Variants in PRKN observed in about 807,000 individuals in gnomAD.
PRKN encodes E3 ubiquitin-protein ligase parkin.
Under a neutral mutation model 59.5 loss-of-function variants are expected in PRKN, and 56 were observed. That is an observed-to-expected ratio of 0.94 (90% CI 0.76 to 1.18). The LOEUF is 1.18. Ranked by LOEUF, PRKN falls within the 50% of genes most tolerant of loss-of-function variation. PRKN has a pLI of 0.00. For synonymous variants in PRKN, 250 were observed against 222.1 expected, an observed-to-expected ratio of 1.13 and a Z score of -1.12; for missense variants, 657 against 596.4, an observed-to-expected ratio of 1.10 and a Z score of -1.06.
intron 1 of PRKN, among the ~76,000 whole-genome samples, chr6:162,640,502 A>T (rs1306632516): frequency 6.6e-6 from 1 of 152,202 alleles, no homozygotes; most frequent in African/African-American, 2.4e-5. Context: ...GCTTAGAGAC[A>T]GCTTGGGAAA....
At chr6:162,447,214 G>C (rs1790359665) in intron 1 of PRKN, among the ~76,000 whole-genome samples, 1 of 152,144 alleles carries the variant, frequency 6.6e-6, no homozygotes, top group South Asian at 2.1e-4. Flanking sequence ...AATGAAAGCA[G>C]TGTCCTTTGC....
intron 1 of PRKN, among the ~76,000 whole-genome samples, chr6:162,615,208 A>G (rs1027409798): frequency 2.6e-5 from 4 of 152,242 alleles, no homozygotes; most frequent in African/African-American, 7.2e-5. Flanking sequence ...TTAGAAAATT[A>G]CGCAACCTAA....
At chr6:161,725,966 C>G (rs994991993) in intron 7 of PRKN, among the ~76,000 whole-genome samples, 4 of 152,130 alleles carry the variant, frequency 2.6e-5, no homozygotes, top group African/African-American at 9.7e-5. Flanking sequence ...TGAAATATGT[C>G]CCACATTTAT....
intron 9 of PRKN, among the ~76,000 whole-genome samples, chr6:161,478,079 C>T (rs1791200840): frequency 6.6e-6 from 1 of 152,122 alleles, no homozygotes; most frequent in Non-Finnish European, 1.5e-5. Flanking sequence ...TATACACAGG[C>T]AGATTAAGGA....
At chr6:161,689,952 CACGCCCGCCTCG>C (rs1785717390) in intron 7 of PRKN, among the ~76,000 whole-genome samples, 1 of 4,824 alleles carries the variant, frequency 2.1e-4, no homozygotes, top group Non-Finnish European at 4.7e-4. Context: ...TCAAGGGATA[CACGCCCGCCTCG>C]GCCTCCCAAA....
intron 1 of PRKN, among the ~76,000 whole-genome samples, chr6:162,560,135 A>C (rs1012781082): frequency 1.1e-4 from 16 of 152,180 alleles, no homozygotes; most frequent in African/African-American, 2.9e-4. Context: ...CCCCTACTAC[A>C]TTCGTTAATA....
chr6:162,326,585 T>C (rs1447152199), intron 2 of PRKN, among the ~76,000 whole-genome samples: 1 of 152,150 alleles, frequency 6.6e-6, no homozygotes, highest in Non-Finnish European at 1.5e-5. Context: ...GTTTTCTTTT[T>C]GCCCATTAAA....
intron 7 of PRKN, among the ~76,000 whole-genome samples, chr6:161,746,092 G>C (rs1414843183): frequency 1.3e-5 from 2 of 152,236 alleles, no homozygotes; most frequent in African/African-American, 4.8e-5. Context: ...TACAGCACAA[G>C]TCTCTCCATG....
intron 4 of PRKN, among the ~76,000 whole-genome samples, chr6:162,130,182 C>A (rs1288033252): frequency 6.6e-6 from 1 of 152,124 alleles, no homozygotes; most frequent in Non-Finnish European, 1.5e-5. Context: ...TGCCCCACTG[C>A]CCCACAAACA....
At chr6:162,414,992 G>T (rs66492141) in intron 2 of PRKN, among the ~76,000 whole-genome samples, 83,166 of 151,492 alleles carry the variant, frequency 0.55, 23,763 homozygotes, top group African/African-American at 0.71. Context: ...GATATCTGAT[G>T]CTAAGGAACA....
chr6:162,527,231 C>T (rs1268856521), intron 1 of PRKN, among the ~76,000 whole-genome samples: 1 of 152,130 alleles, frequency 6.6e-6, no homozygotes, highest in Non-Finnish European at 1.5e-5. Flanking sequence ...CGGGATAAAA[C>T]ATAACTGAGT....
chr6:162,307,672 G>A (rs894632299), intron 2 of PRKN, among the ~76,000 whole-genome samples: 9 of 152,202 alleles, frequency 5.9e-5, no homozygotes, highest in African/African-American at 1.7e-4. Context: ...TAATACAATG[G>A]AGATTATCCT....
intron 3 of PRKN, among the ~76,000 whole-genome samples, chr6:162,249,156 G>C (rs1345164829): frequency 6.6e-6 from 1 of 152,170 alleles, no homozygotes; most frequent in Non-Finnish European, 1.5e-5. Context: ...GGGATTACAG[G>C]CGTGAGCCAC....
At chr6:162,707,869 C>G (rs2849521) in intron 1 of PRKN, among the ~76,000 whole-genome samples, 124,773 of 152,038 alleles carry the variant, frequency 0.82, 51,457 homozygotes, top group East Asian at 0.98. Flanking sequence ...CATAAGCCAC[C>G]ATACCTGGCT....
At chr6:162,717,721 T>C (rs966807678) in intron 1 of PRKN, among the ~76,000 whole-genome samples, 1 of 152,194 alleles carries the variant, frequency 6.6e-6, no homozygotes, top group South Asian at 2.1e-4. Context: ...CATGCCCCGA[T>C]AGTGTATAAT....
At chr6:161,916,416 C>T (rs1778561421) in intron 6 of PRKN, among the ~76,000 whole-genome samples, 1 of 152,136 alleles carries the variant, frequency 6.6e-6, no homozygotes, top group Admixed American at 6.5e-5. Flanking sequence ...AAATGAAAAG[C>T]AAACAAGTAA....
At chr6:161,833,831 C>T (rs1320910660) in intron 6 of PRKN, among the ~76,000 whole-genome samples, 1 of 152,066 alleles carries the variant, frequency 6.6e-6, no homozygotes, top group East Asian at 1.9e-4. Context: ...TCCCATGGGT[C>T]CTGAAGGAGC....
chr6:162,163,508 G>C lies in PRKN; in HGVS notation c.534+37623C>G, dbSNP rs117097508. 3.7e-3 allele frequency among the ~76,000 whole-genome samples: 558 copies of C among 149,532 alleles called. 36 individuals carry two copies. The highest frequency in any genetic ancestry group is 5.3e-3 in the Non-Finnish European group (359 of 67,500). On this transcript the variant is annotated intron_variant, in intron 4 of 11. Transcript: ENST00000366898. ...TGTGCTCTGGCTTGTAGCCCGAGGAGAACAGAAACAGGGGAAAAACAGGTA... is the reference window on the plus strand; with the variant it reads ...TGTGCTCTGGCTTGTAGCCCGAGGACAACAGAAACAGGGGAAAAACAGGTA...
chr6:161,746,350 G>C (rs1788413474), intron 7 of PRKN, among the ~76,000 whole-genome samples: 1 of 151,936 alleles, frequency 6.6e-6, no homozygotes, highest in Non-Finnish European at 1.5e-5. Context: ...CGCAGATGGA[G>C]ACCCTGGGCT....
Sources: gnomAD v4.1 joint callset for allele counts (sites outside exome capture counted in the v4.1 genomes callset) on GRCh38, gnomAD v4.1.1 for gene constraint, MANE v1.5 for transcripts, NCBI Gene and HGNC (gene_info 2026-07-23, HGNC 2026-07-21) for gene names.